The following GRID2 variants were observed in gnomAD, a reference collection of about 807,000 sequenced individuals.
GRID2 encodes glutamate ionotropic receptor delta type subunit 2, also known as glutamate receptor ionotropic, delta-2.
In GRID2, 33 loss-of-function variants were observed where a neutral mutation model predicts 114.8. The ratio of observed to expected loss-of-function variants is 0.29; its 90% CI spans 0.22 to 0.38. The LOEUF (loss-of-function observed/expected upper bound fraction) is 0.38, where lower values mean the gene tolerates loss of function less well. GRID2 is among the 10% of genes least tolerant of loss of function. The pLI is 1.00. For missense variants in GRID2, 1,184 were observed against 1,257.7 expected, an observed-to-expected ratio of 0.94 and a Z score of 0.89; for synonymous variants, 505 against 449.9, an observed-to-expected ratio of 1.12 and a Z score of -1.55.
At chr4:92,872,991 T>G (rs1346419846) in intron 2 of GRID2, among the ~76,000 whole-genome samples, 1 of 152,172 alleles carries the variant, frequency 6.6e-6, no homozygotes, top group Non-Finnish European at 1.5e-5. Flanking sequence ...ACATGGTGGA[T>G]TAGTACCCAA....
At chr4:93,741,174 C>T (rs7678738) in intron 14 of GRID2, among the ~76,000 whole-genome samples, 5,842 of 38,546 alleles carry the variant, frequency 0.15, 488 homozygotes, top group African/African-American at 0.17. Context: ...TATATATATA[C>T]ATATATATAT....
intron 8 of GRID2, among the ~76,000 whole-genome samples, chr4:93,315,228 C>A (rs1401584921): frequency 1.3e-5 from 2 of 152,194 alleles, no homozygotes; most frequent in Non-Finnish European, 2.9e-5. Context: ...AATCCAATCA[C>A]TTTTCTCCCT....
chr4:92,925,542 T>C (rs920661033), intron 2 of GRID2, among the ~76,000 whole-genome samples: 1 of 152,058 alleles, frequency 6.6e-6, no homozygotes, highest in Non-Finnish European at 1.5e-5. Context: ...TATATGATCT[T>C]CTTTATGATA....
intron 13 of GRID2, among the ~76,000 whole-genome samples, chr4:93,583,260 G>A (rs1440886654): frequency 2.0e-5 from 3 of 152,082 alleles, no homozygotes; most frequent in Non-Finnish European, 4.4e-5. Context: ...TTCGAGGGGG[G>A]CACTATTTAA....
At chr4:92,605,520 A>G (rs1194018320) in intron 2 of GRID2, among the ~76,000 whole-genome samples, 1 of 151,984 alleles carries the variant, frequency 6.6e-6, no homozygotes, top group African/African-American at 2.4e-5. Flanking sequence ...CTAAAATAAC[A>G]GGTAGAATGT....
intron 1 of GRID2, among the ~76,000 whole-genome samples, chr4:92,375,531 G>A (rs776683383): frequency 3.5e-4 from 53 of 152,210 alleles, no homozygotes; most frequent in Non-Finnish European, 5.9e-4. Flanking sequence ...CCATGCGTGG[G>A]ATCTCTTTTC....
chr4:92,377,880 CACA>C (rs1157223461), intron 1 of GRID2, among the ~76,000 whole-genome samples: 2 of 152,076 alleles, frequency 1.3e-5, no homozygotes, highest in Non-Finnish European at 2.9e-5. Flanking sequence ...AGGTCCCTTC[CACA>C]ACATGTGTGA....
Position 92,988,176 on chromosome 4 carries a change from C to G in GRID2, c.245-96819C>G, listed in dbSNP as rs1018068732. Among the ~76,000 whole-genome samples the G allele has an allele frequency of 5.9e-5, 9 of 152,046 alleles. No individual in the cohort carries two copies. In the South Asian group the frequency reaches 6.2e-4, roughly 11 times the overall value. ...GAATGGCTCAGCTGGGTGCTTCTGG[C>G]TCAGGGTTCATTACAGAAGCTATAA... On this transcript the variant is annotated intron_variant, in intron 2 of 15. Transcript: ENST00000282020.
chr4:92,883,621 G>A (rs1166399214), intron 2 of GRID2, among the ~76,000 whole-genome samples: 1 of 152,112 alleles, frequency 6.6e-6, no homozygotes, highest in Non-Finnish European at 1.5e-5. Context: ...TTCATAGCTC[G>A]TAGAATGGAC....
In GRID2 at chr4:92,308,595, C is replaced by T. The variant is rs893037585; in HGVS notation, c.88+3851C>T. ...GAATGTTCAAATTAAAGTACAAAAT[C>T]GGGTAAATAAAAGGTGTCAACACAT... On this transcript the variant is annotated intron_variant, in intron 1 of 15. Coordinates refer to ENST00000282020, the MANE Select transcript of GRID2 (RefSeq NM_001510.4). 5.3e-5 allele frequency among the ~76,000 whole-genome samples: 8 copies of T among 151,964 alleles called. No homozygotes were observed. The East Asian group carries it at 1.2e-3, about 22-fold the overall frequency.
At chr4:92,966,798 G>A (rs1334095214) in intron 2 of GRID2, among the ~76,000 whole-genome samples, 1 of 151,844 alleles carries the variant, frequency 6.6e-6, no homozygotes, top group Non-Finnish European at 1.5e-5. Context: ...GTCCTTATTA[G>A]CAGTGTGAAA....
At chr4:93,430,676 A>C (rs1769323256) in intron 10 of GRID2, among the ~76,000 whole-genome samples, 1 of 152,258 alleles carries the variant, frequency 6.6e-6, no homozygotes, top group African/African-American at 2.4e-5. Flanking sequence ...TTGCCCTTGA[A>C]GAGATCTTGT....
At chr4:93,738,864 G>A (rs772439232) in intron 14 of GRID2, among the ~76,000 whole-genome samples, 3 of 152,042 alleles carry the variant, frequency 2.0e-5, no homozygotes, top group Non-Finnish European at 4.4e-5. Context: ...GAATATAAAA[G>A]CCCCTGCTAT....
chr4:92,949,963 G>T (rs1751910204), intron 2 of GRID2, among the ~76,000 whole-genome samples: 1 of 152,094 alleles, frequency 6.6e-6, no homozygotes, highest in South Asian at 2.1e-4. Context: ...GTCTTTAGCT[G>T]TTCTCACAGA....
At chr4:93,481,953 AG>A (rs1725919765) in intron 11 of GRID2, among the ~76,000 whole-genome samples, 1 of 152,056 alleles carries the variant, frequency 6.6e-6, no homozygotes, top group South Asian at 2.1e-4. Context: ...AGATTACAGA[AG>A]GGTTTATATT....
rs1456498358 is a variant in GRID2 at position 93,484,359 on chromosome 4, T to G, written c.1859-6280T>G. On this transcript the variant is annotated intron_variant, in intron 11 of 15. Transcript: ENST00000282020. ...AACAATTATTATACAGTGTGAATTA[T>G]TTTACCCAACATTAGGTTCATAAAA... 2.0e-5 allele frequency among the ~76,000 whole-genome samples: 3 copies of G among 151,938 alleles called. 1 individual carries two copies. Among genetic ancestry groups the G allele is most frequent in the Admixed American group, 1.3e-4 (2 of 15,204 alleles).
intron 14 of GRID2, among the ~76,000 whole-genome samples, chr4:93,754,293 A>G (rs1732570061): frequency 6.6e-6 from 1 of 152,168 alleles, no homozygotes; most frequent in Non-Finnish European, 1.5e-5. Context: ...GTCACAGTAC[A>G]AGTCCTCTTT....
intron 4 of GRID2, among the ~76,000 whole-genome samples, chr4:93,164,163 A>T (rs531387416): frequency 3.3e-5 from 5 of 152,030 alleles, no homozygotes; most frequent in Non-Finnish European, 5.9e-5. Flanking sequence ...GGGGGGGGAA[A>T]AAAAAGGTAA....
intron 13 of GRID2, among the ~76,000 whole-genome samples, chr4:93,553,911 A>T (rs919928225): frequency 6.6e-6 from 1 of 152,192 alleles, no homozygotes; most frequent in Non-Finnish European, 1.5e-5. Flanking sequence ...TGTAGATTAT[A>T]GTTATTATCT....
Sources: gnomAD v4.1 joint callset for allele counts (sites outside exome capture counted in the v4.1 genomes callset) on GRCh38, gnomAD v4.1.1 for gene constraint, MANE v1.5 for transcripts, NCBI Gene and HGNC (gene_info 2026-07-23, HGNC 2026-07-21) for gene names.